The following KIF2C variants were observed in gnomAD, a reference collection of about 807,000 sequenced individuals.
The protein encoded by KIF2C is kinesin-like protein KIF2C.
A neutral mutation model predicts 97.4 loss-of-function variants in KIF2C; 34 were observed. The ratio of observed to expected loss-of-function variants is 0.35; its 90% CI spans 0.27 to 0.46. The LOEUF (loss-of-function observed/expected upper bound fraction) is 0.46. KIF2C is among the 20% of genes least tolerant of loss of function. The probability of loss-of-function intolerance (pLI) is 1.00; values close to 1 mark genes in which losing one functional copy is unlikely to be tolerated. For synonymous variants in KIF2C, 313 were observed against 318.2 expected, an observed-to-expected ratio of 0.98 and a Z score of 0.17; for missense variants, 750 against 907.6, an observed-to-expected ratio of 0.83 and a Z score of 2.23.
intron 2 of KIF2C, among the ~76,000 whole-genome samples, chr1:44,744,294 G>GA (rs1649073525): frequency 6.6e-6 from 1 of 152,056 alleles, no homozygotes; most frequent in Admixed American, 6.6e-5. Flanking sequence ...TTTTAGTAGA[G>GA]ACAGGGTTTC....
chr1:44,746,155 G>T (rs1278040702), intron 2 of KIF2C, among the ~76,000 whole-genome samples: 1 of 152,232 alleles, frequency 6.6e-6, no homozygotes, highest in Admixed American at 6.5e-5. Context: ...TGGGGTTACA[G>T]GCGTGAGCCA....
At chr1:44,740,811 C>A in intron 1 of KIF2C, 102 bp from the exon 2 acceptor site, 1 of 417,646 alleles carries the variant, frequency 2.4e-6, no homozygotes, top group Non-Finnish European at 4.4e-6. Flanking sequence ...AGGTAGCTGC[C>A]TGTTCCTTCA....
rs762926108 is a variant in KIF2C, at chr1:44,757,935, G to T, written c.1096G>T (p.Ala366Ser). The T allele has an allele frequency of 1.9e-6, 3 of 1,614,082 alleles. No individual in the cohort carries two copies. The Admixed American group carries it at 5.0e-5, about 27-fold the overall frequency. The change falls in exon 12 of 21, where the codon GCC becomes TCC. Residue 366 changes from alanine (A) to serine (S), a missense_variant. Ala to Ser is a moderately conservative substitution (Grantham distance 99). Coordinates refer to ENST00000372224, the MANE Select transcript of KIF2C (RefSeq NM_006845.4). ...TATGGGCGGAGACCTCTCTGGGAAA[G>T]CCCAGAATGCATCCAAAGGGATCTA... ...HTMGGDLSGK[A>S]QNASKGIYAM...
chr1:44,762,307 G>A (rs749416377), intron 17 of KIF2C, 39 bp from the exon 18 acceptor site: 1 of 1,543,792 alleles, frequency 6.5e-7, no homozygotes, highest in Non-Finnish European at 9.0e-7. Flanking sequence ...TGAGTACCAA[G>A]GGGGTGCTGT....
chr1:44,756,292 G>A, intron 10 of KIF2C, 55 bp downstream of exon 10: 1 of 1,536,464 alleles, frequency 6.5e-7, no homozygotes, highest in Non-Finnish European at 9.0e-7. Flanking sequence ...CCCTTTTTTT[G>A]TGGGACATCG....
At chr1:44,755,485 C>T (rs1284884186) in intron 8 of KIF2C, among the ~76,000 whole-genome samples, 9 of 151,610 alleles carry the variant, frequency 5.9e-5, no homozygotes, top group African/African-American at 1.9e-4. Context: ...AGGCTGGTGT[C>T]GAACTCCTGA....
At chr1:44,740,783 T>TG (rs1648892967) in intron 1 of KIF2C, 130 bp from the exon 2 acceptor site, 1 of 397,542 alleles carries the variant, frequency 2.5e-6, no homozygotes, top group Non-Finnish European at 4.7e-6. Flanking sequence ...CTCTTAGTTT[T>TG]TTTTTTTTTT....
chr1:44,741,553 C>T (rs1648936515), intron 2 of KIF2C, among the ~76,000 whole-genome samples: 2 of 152,022 alleles, frequency 1.3e-5, no homozygotes, highest in Non-Finnish European at 2.9e-5. Context: ...GGTGTGGTGG[C>T]TCACGCCTGT....
chr1:44,754,626 C>A, intron 7 of KIF2C, 124 bp from the exon 8 acceptor site: 1 of 754,122 alleles, frequency 1.3e-6, no homozygotes, highest in Non-Finnish European at 2.4e-6. Context: ...CAACCCAGAG[C>A]CAGGGCAGGG....
Position 44,739,855 on chromosome 1 carries a change from C to A in KIF2C, c.-78C>A. On this transcript the variant is annotated 5_prime_UTR_variant, in exon 1 of 21. Coordinates refer to ENST00000372224, the MANE Select transcript of KIF2C (RefSeq NM_006845.4). The stretch of plus-strand genomic sequence containing the variant: ...GGGATTTAAACTGCGGCGGTTTACG[C>A]GGCGTTAAGACTTCGTAGGGTTAGC... 4.6e-6 allele frequency: 6 copies of A among 1,307,352 alleles called. No individual in the cohort carries two copies. Among genetic ancestry groups the A allele is most frequent in the Non-Finnish European group, 6.6e-6 (6 of 903,080 alleles). The allele number at this position is 1,307,352 out of a possible 1,614,324, so 81.0% of individuals were successfully genotyped here.
intron 8 of KIF2C, among the ~76,000 whole-genome samples, chr1:44,755,178 G>T (rs1180561948): frequency 6.6e-6 from 1 of 152,158 alleles, no homozygotes; most frequent in Non-Finnish European, 1.5e-5. Flanking sequence ...GGCCAATCTG[G>T]AACTTCTGGG....
In KIF2C at chr1:44,750,460, C is replaced by T; in HGVS notation, c.335C>T (p.Thr112Ile). ...APKESLRSRS[T>I]RMSTVSELRI... ...TCTCCAGGTCTTCGAAGCCGCTCCA[C>T]TCGCATGTCCACTGTCTCAGAGCTT... Residue 112 changes from threonine (T) to isoleucine (I), a missense_variant, in exon 5 of 21, where the codon ACT (threonine) becomes ATT (isoleucine). Coordinates refer to ENST00000372224, the MANE Select transcript of KIF2C (RefSeq NM_006845.4). 1 of 1,523,916 alleles carries T rather than the reference C, an allele frequency of 6.6e-7. No homozygotes were observed. The highest frequency in any genetic ancestry group is 8.9e-7 in the Non-Finnish European group (1 of 1,128,338). The allele number at this position is 1,523,916 out of a possible 1,614,324, so 94.4% of individuals were successfully genotyped here.
At chr1:44,750,374 T>G in intron 4 of KIF2C, 68 bp from the exon 5 acceptor site, 1 of 1,318,408 alleles carries the variant, frequency 7.6e-7, no homozygotes, top group Non-Finnish European at 9.7e-7. Context: ...TACAGAAACT[T>G]GGAGGTTTGC....
rs1246271762 is a variant in KIF2C at position 44,753,142 on chromosome 1, T to G, written c.450T>G (p.Thr150=). 1 of 1,612,636 alleles carries G rather than the reference T, an allele frequency of 6.2e-7. No individual in the cohort carries two copies. The highest frequency in any genetic ancestry group is 1.3e-5 in the African/African-American group (1 of 75,012). ...CTTGTTCCCCTACAGCTGCCCCCAC[T>G]AGGCCTTCCTGCCCTGCAGTGGCTG... ...RKQFSVPPAP[T]RPSCPAVAEI... The change falls in exon 6 of 21, where the codon ACT becomes ACG. Residue 150 remains threonine, a synonymous_variant. Coordinates refer to ENST00000372224, the MANE Select transcript of KIF2C (RefSeq NM_006845.4).
rs747865912 is a variant in KIF2C at position 44,762,645 on chromosome 1, A to G, written c.1958A>G (p.Lys653Arg). 3.7e-6 allele frequency: 6 copies of G among 1,613,038 alleles called. No homozygotes were observed. The South Asian group carries it at 5.5e-5, about 15-fold the overall frequency. Residue 653 changes from lysine (K) to arginine (R), a missense_variant, in exon 19 of 21, where the codon AAG becomes AGG. Lys to Arg is a conservative substitution (Grantham distance 26). Transcript: ENST00000372224. ...GAGGAGAAGGCTATGGAAGAGCTCA[A>G]GGAGATCATACAGGTAGGCAGCTGG... ...ELEEKAMEEL[K>R]EIIQQGPDWL...
intron 1 of KIF2C, 78 bp downstream of exon 1, chr1:44,740,080 C>A: frequency 6.6e-7 from 1 of 1,504,256 alleles, no homozygotes; most frequent in Non-Finnish European, 9.3e-7. Context: ...CCCGGACACA[C>A]AGATGGGCTT....
chr1:44,756,052 C>T (rs759331990), intron 9 of KIF2C, 23 bp from the exon 10 acceptor site: 1 of 1,614,116 alleles, frequency 6.2e-7, no homozygotes, highest in Non-Finnish European at 8.5e-7. Context: ...GGGAGCACCC[C>T]CTGAAATACT....
intron 14 of KIF2C, among the ~76,000 whole-genome samples, chr1:44,759,637 G>A (rs1650035123): frequency 6.6e-6 from 1 of 152,132 alleles, no homozygotes. Flanking sequence ...GCAGTGAGCT[G>A]TGATCGCACC....
Position 44,757,936 on chromosome 1 carries a change from C to T in KIF2C, c.1097C>T (p.Ala366Val). The T allele has an allele frequency of 6.2e-7, 1 of 1,614,174 alleles. No individual in the cohort carries two copies. Among genetic ancestry groups the T allele is most frequent in the East Asian group, 2.2e-5 (1 of 44,884 alleles). The change falls in exon 12 of 21, where the codon GCC becomes GTC. Residue 366 changes from alanine to valine, a missense_variant. Ala to Val is a moderately conservative substitution (Grantham distance 64). Coordinates refer to ENST00000372224, the MANE Select transcript of KIF2C (RefSeq NM_006845.4). ...ATGGGCGGAGACCTCTCTGGGAAAGCCCAGAATGCATCCAAAGGGATCTAT... is the reference window on the plus strand; with the variant it reads ...ATGGGCGGAGACCTCTCTGGGAAAGTCCAGAATGCATCCAAAGGGATCTAT... ...HTMGGDLSGK[A>V]QNASKGIYAM... is the part of the protein sequence containing the mutation.
Sources: gnomAD v4.1 joint callset for allele counts (sites outside exome capture counted in the v4.1 genomes callset) on GRCh38, gnomAD v4.1.1 for gene constraint, MANE v1.5 for transcripts, NCBI Gene and HGNC (gene_info 2026-07-23, HGNC 2026-07-21) for gene names.